The following PRKG1 variants were observed in gnomAD, a reference collection of about 807,000 sequenced individuals.
The protein encoded by PRKG1 is protein kinase cGMP-dependent 1, also known as cGMP-dependent protein kinase 1.
Under a neutral mutation model 88.1 loss-of-function variants are expected in PRKG1, and 35 were observed. The observed-to-expected ratio is 0.40, with a 90% CI of 0.30 to 0.53. The LOEUF (loss-of-function observed/expected upper bound fraction) is 0.53, where lower values mean the gene tolerates loss of function less well. Ranked by LOEUF, PRKG1 falls within the 20% of genes least tolerant of loss-of-function variation. PRKG1 has a pLI of 0.59. For synonymous variants in PRKG1, 303 were observed against 292.5 expected, an observed-to-expected ratio of 1.04 and a Z score of -0.37; for missense variants, 540 against 839.8, an observed-to-expected ratio of 0.64 and a Z score of 4.41.
At chr10:51,362,614 A>G (rs1255725579) in intron 2 of PRKG1, among the ~76,000 whole-genome samples, 1 of 151,884 alleles carries the variant, frequency 6.6e-6, no homozygotes, top group Non-Finnish European at 1.5e-5. Flanking sequence ...AAGGAAAAAC[A>G]TTGAAACTGT....
At chr10:51,874,465 T>G (rs1023256061) in intron 4 of PRKG1, among the ~76,000 whole-genome samples, 7 of 152,244 alleles carry the variant, frequency 4.6e-5, no homozygotes, top group Non-Finnish European at 1.0e-4. Context: ...TCACCATTTT[T>G]TTGTAAATTC....
chr10:51,411,555 G>T (rs1838090017), intron 2 of PRKG1, among the ~76,000 whole-genome samples: 2 of 152,192 alleles, frequency 1.3e-5, no homozygotes, highest in South Asian at 2.1e-4. Flanking sequence ...AGAGTAACAT[G>T]AAGCAGAGAG....
At chr10:52,087,576 C>A (rs1303319614) in intron 7 of PRKG1, among the ~76,000 whole-genome samples, 1 of 152,006 alleles carries the variant, frequency 6.6e-6, no homozygotes, top group African/African-American at 2.4e-5. Flanking sequence ...GTCAGAAAAC[C>A]TTTTCCATGT....
intron 3 of PRKG1, among the ~76,000 whole-genome samples, chr10:51,496,254 G>A (rs1313039774): frequency 6.6e-6 from 1 of 152,164 alleles, no homozygotes; most frequent in African/African-American, 2.4e-5. Context: ...GAAGAATAGA[G>A]AGGTTCATTT....
intron 2 of PRKG1, among the ~76,000 whole-genome samples, chr10:51,305,876 A>G (rs1277132149): frequency 6.6e-6 from 1 of 152,218 alleles, no homozygotes; most frequent in African/African-American, 2.4e-5. Context: ...TTTTGTAATC[A>G]GAATAACTAT....
intron 2 of PRKG1, among the ~76,000 whole-genome samples, chr10:51,165,590 CA>C (rs1481633078): frequency 6.6e-6 from 1 of 151,992 alleles, no homozygotes; most frequent in Non-Finnish European, 1.5e-5. Flanking sequence ...AATTAAAAGA[CA>C]CAGACTGGCA....
In PRKG1 at chr10:51,272,032, G is replaced by A. The variant is rs545422856; in HGVS notation, c.478+118702G>A. ...TGGTTGAACAAATTTACACTCCCACGAACAGTGTAAAAGGGTTCCTATTTC... is the reference window on the plus strand; with the variant it reads ...TGGTTGAACAAATTTACACTCCCACAAACAGTGTAAAAGGGTTCCTATTTC... On this transcript the variant is annotated intron_variant, in intron 2 of 17. Coordinates refer to ENST00000373980, the MANE Select transcript of PRKG1 (RefSeq NM_006258.4). Among the ~76,000 whole-genome samples, 8 of 152,062 alleles carry A rather than the reference G, an allele frequency of 5.3e-5. No homozygotes were observed. In the South Asian group the frequency reaches 6.2e-4, roughly 12 times the overall value.
At chr10:52,077,390 C>T (rs1461415180) in intron 7 of PRKG1, among the ~76,000 whole-genome samples, 1 of 152,066 alleles carries the variant, frequency 6.6e-6, no homozygotes, top group Admixed American at 6.5e-5. Flanking sequence ...AAGATATTAT[C>T]TGCTTTCTGT....
intron 4 of PRKG1, among the ~76,000 whole-genome samples, chr10:51,833,625 T>A (rs1033239584): frequency 1.3e-5 from 2 of 152,204 alleles, no homozygotes; most frequent in African/African-American, 4.8e-5. Flanking sequence ...GATACATGTA[T>A]ACATTGTGGA....
At chr10:51,027,998 A>T (rs1295712882) in intron 1 of PRKG1, among the ~76,000 whole-genome samples, 2 of 152,200 alleles carry the variant, frequency 1.3e-5, no homozygotes, top group African/African-American at 4.8e-5. Flanking sequence ...GGCATTTATC[A>T]TAGATAAACA....
chr10:51,802,207 C>CT (rs1839190824), intron 3 of PRKG1, among the ~76,000 whole-genome samples: 1 of 152,114 alleles, frequency 6.6e-6, no homozygotes, highest in Non-Finnish European at 1.5e-5. Context: ...ATTAGTCATG[C>CT]TTGTCCATCT....
Position 51,884,505 on chromosome 10 carries a change from A to G in PRKG1, c.699-23002A>G, listed in dbSNP as rs193148575. On this transcript the variant is annotated intron_variant, in intron 4 of 17. Coordinates refer to ENST00000373980, the MANE Select transcript of PRKG1 (RefSeq NM_006258.4). ...AGCTTTAGAGCAGACAAGTAAATAT[A>G]CTGCCACAGAGGTTGTTTTGTGTCC... Among the ~76,000 whole-genome samples the G allele has an allele frequency of 3.6e-4, 25 of 70,156 alleles. No homozygotes were observed. The East Asian group carries it at 4.7e-3, about 13-fold the overall frequency. The allele number at this position is 70,156 out of a possible 152,430, so 46.0% of individuals were successfully genotyped here. A position where few individuals can be genotyped will look rare whatever the true frequency, so the allele number is the denominator to read the frequency against.
At chr10:51,888,017 A>T (rs891638103) in intron 4 of PRKG1, among the ~76,000 whole-genome samples, 3 of 152,226 alleles carry the variant, frequency 2.0e-5, no homozygotes, top group Non-Finnish European at 4.4e-5. Flanking sequence ...AAGAGGATAT[A>T]TCTCATGTTA....
chr10:51,184,693 G>T (rs955005895), intron 2 of PRKG1, among the ~76,000 whole-genome samples: 4 of 151,962 alleles, frequency 2.6e-5, no homozygotes, highest in African/African-American at 9.7e-5. Flanking sequence ...TTTATGTTTT[G>T]ATTTTACTAT....
At chr10:51,895,487 C>A (rs542547737) in intron 4 of PRKG1, among the ~76,000 whole-genome samples, 16 of 152,208 alleles carry the variant, frequency 1.1e-4, no homozygotes, top group Non-Finnish European at 2.2e-4. Flanking sequence ...TTTGCCCAAC[C>A]CATGTCTGAG....
chr10:52,165,798 A>G (rs928438872), intron 9 of PRKG1, among the ~76,000 whole-genome samples: 13 of 152,230 alleles, frequency 8.5e-5, no homozygotes, highest in African/African-American at 2.9e-4. Flanking sequence ...AAATGGTAGT[A>G]TAATCAAGCT....
In PRKG1 at chr10:51,940,493, C is replaced by T. The variant is rs1457809524; in HGVS notation, c.762+32923C>T. On this transcript the variant is annotated intron_variant, in intron 5 of 17. Coordinates refer to ENST00000373980, the MANE Select transcript of PRKG1 (RefSeq NM_006258.4). ...CAAGGCCTCTGTTTATAGCTCTTGCCACTGGTACAAGTTTGGATACCTATG... is the reference window on the plus strand; with the variant it reads ...CAAGGCCTCTGTTTATAGCTCTTGCTACTGGTACAAGTTTGGATACCTATG... 2.0e-5 allele frequency among the ~76,000 whole-genome samples: 3 copies of T among 151,990 alleles called. No individual in the cohort carries two copies. The East Asian group carries it at 5.8e-4, about 29-fold the overall frequency.
At chr10:52,218,210 CAA>C (rs35778588) in intron 9 of PRKG1, among the ~76,000 whole-genome samples, 9 of 95,226 alleles carry the variant, frequency 9.5e-5, no homozygotes, top group Middle Eastern at 6.1e-3. Context: ...GACTCCATCT[CAA>C]AAAAAAAAAA....
intron 5 of PRKG1, among the ~76,000 whole-genome samples, chr10:51,929,243 C>A (rs1242460184): frequency 1.3e-5 from 2 of 151,712 alleles, no homozygotes; most frequent in East Asian, 1.9e-4. Context: ...AACACTATAT[C>A]ATTTTTCTTT....
Sources: gnomAD v4.1 joint callset for allele counts (sites outside exome capture counted in the v4.1 genomes callset) on GRCh38, gnomAD v4.1.1 for gene constraint, MANE v1.5 for transcripts, NCBI Gene and HGNC (gene_info 2026-07-23, HGNC 2026-07-21) for gene names.